The following KCNN2 variants were observed in gnomAD, a reference collection of about 807,000 sequenced individuals.
KCNN2 encodes the protein small conductance calcium-activated potassium channel protein 2.
A neutral mutation model predicts 55.5 loss-of-function variants in KCNN2; 24 were observed. The observed-to-expected ratio is 0.43, with a 90% CI of 0.31 to 0.61. KCNN2 has a LOEUF of 0.61. Ranked by LOEUF, KCNN2 falls within the 20% of genes least tolerant of loss-of-function variation. The pLI, the probability that KCNN2 is intolerant of heterozygous loss-of-function variation, is 0.08. For missense variants in KCNN2, 754 were observed against 853.6 expected (o/e 0.88, Z 1.45); for synonymous variants, 431 against 336.1 (o/e 1.28, Z -3.09).
chr5:114,267,755 AG>A (rs1383750393), intron 2 of KCNN2, among the ~76,000 whole-genome samples: 1 of 152,214 alleles, frequency 6.6e-6, no homozygotes, highest in Non-Finnish European at 1.5e-5. Flanking sequence ...TCCCTGGAAG[AG>A]GAAAAATAAT....
chr5:114,193,066 A>G (rs560771440), intron 1 of KCNN2, among the ~76,000 whole-genome samples: 1 of 152,322 alleles, frequency 6.6e-6, no homozygotes, highest in African/African-American at 2.4e-5. Context: ...TATTTGGGAC[A>G]TACTTATACT....
chr5:114,134,456 A>ATTAT (rs1561489462), intron 1 of KCNN2, among the ~76,000 whole-genome samples: 3 of 101,432 alleles, frequency 3.0e-5, no homozygotes, highest in African/African-American at 8.0e-5. Flanking sequence ...CAATCCAACC[A>ATTAT]TGATTTATTT....
At position 114,451,177 on chromosome 5, in the gene KCNN2, A is replaced by G. The variant is rs981415011; in HGVS notation, c.1638-11872A>G. 5.9e-5 allele frequency among the ~76,000 whole-genome samples: 9 copies of G among 152,162 alleles called. 1 individual carries two copies. Among genetic ancestry groups the G allele is most frequent in the Admixed American group, 2.6e-4 (4 of 15,276 alleles). The stretch of plus-strand genomic sequence containing the variant: ...GTGAATAATAGAGTTAGAAAACAAA[A>G]CCTCTTTGTCCTCTCAGGGAAACAC... On this transcript the variant is annotated intron_variant, in intron 3 of 7. Coordinates refer to ENST00000673685, the MANE Select transcript of KCNN2 (RefSeq NM_021614.4).
chr5:114,219,986 A>G (rs900481839), intron 1 of KCNN2, among the ~76,000 whole-genome samples: 2 of 152,194 alleles, frequency 1.3e-5, no homozygotes, highest in East Asian at 1.9e-4. Context: ...ATATTATTCT[A>G]TATTTCTTAA....
intron 4 of KCNN2, among the ~76,000 whole-genome samples, chr5:114,467,855 T>G (rs1241218815): frequency 6.6e-6 from 1 of 152,164 alleles, no homozygotes; most frequent in Non-Finnish European, 1.5e-5. Context: ...GCCCTTCCTA[T>G]CTCTGAAGTA....
intron 2 of KCNN2, among the ~76,000 whole-genome samples, chr5:114,365,893 G>T (rs1369361739): frequency 6.7e-6 from 1 of 148,238 alleles, no homozygotes; most frequent in Admixed American, 6.7e-5. Flanking sequence ...CCTGTTCCTT[G>T]TGAAAATCAC....
intron 3 of KCNN2, among the ~76,000 whole-genome samples, chr5:114,456,171 G>A (rs1468781553): frequency 5.3e-5 from 8 of 152,194 alleles, no homozygotes; most frequent in Non-Finnish European, 1.2e-4. Context: ...AAGTTTCAAA[G>A]GACACATGAA....
chr5:114,280,093 G>A (rs1179251197), intron 2 of KCNN2, among the ~76,000 whole-genome samples: 1 of 152,194 alleles, frequency 6.6e-6, no homozygotes, highest in East Asian at 1.9e-4. Context: ...CTGCATAAAT[G>A]TCTTCTTTTG....
chr5:114,346,552 T>G (rs1757106005), intron 2 of KCNN2, among the ~76,000 whole-genome samples: 1 of 152,094 alleles, frequency 6.6e-6, no homozygotes, highest in Non-Finnish European at 1.5e-5. Context: ...AAAACTGAAC[T>G]CTGGTATTGC....
chr5:114,465,396 T>C (rs911572234), intron 4 of KCNN2, among the ~76,000 whole-genome samples: 2 of 152,184 alleles, frequency 1.3e-5, no homozygotes, highest in African/African-American at 4.8e-5. Flanking sequence ...GTGGATCACC[T>C]GAGGTTGGGA....
chr5:114,429,655 G>C (rs1283266685), intron 3 of KCNN2, among the ~76,000 whole-genome samples: 1 of 151,932 alleles, frequency 6.6e-6, no homozygotes, highest in Non-Finnish European at 1.5e-5. Context: ...CTTTGGAGTT[G>C]TATCTAAAAA....
intron 2 of KCNN2, among the ~76,000 whole-genome samples, chr5:114,307,963 C>T (rs1224267693): frequency 6.6e-6 from 1 of 152,052 alleles, no homozygotes; most frequent in African/African-American, 2.4e-5. Context: ...ATGATCCACT[C>T]CTATACATAA....
chr5:114,472,745 A>G (rs1440401016), intron 4 of KCNN2, among the ~76,000 whole-genome samples: 1 of 152,196 alleles, frequency 6.6e-6, no homozygotes, highest in Non-Finnish European at 1.5e-5. Context: ...ATAGGTATAT[A>G]ACTGACTTGC....
chr5:114,465,346 C>G (rs1761391595), intron 4 of KCNN2, among the ~76,000 whole-genome samples: 1 of 152,146 alleles, frequency 6.6e-6, no homozygotes, highest in South Asian at 2.1e-4. Flanking sequence ...GGCACTGTGT[C>G]CCACGCCTGT....
chr5:114,106,490 A>T (rs1751484908), intron 1 of KCNN2, among the ~76,000 whole-genome samples: 1 of 151,902 alleles, frequency 6.6e-6, no homozygotes. Context: ...AACAGTATAT[A>T]AGAGTTATAG....
chr5:114,352,744 A>AT (rs1757230905), intron 2 of KCNN2, among the ~76,000 whole-genome samples: 1 of 151,954 alleles, frequency 6.6e-6, no homozygotes. Context: ...ATTTTAAAGA[A>AT]TTTGTATAAA....
At chr5:114,151,293 T>C in intron 1 of KCNN2, among the ~76,000 whole-genome samples, 1 of 152,150 alleles carries the variant, frequency 6.6e-6, no homozygotes, top group South Asian at 2.1e-4. Context: ...AAACTATTAA[T>C]AAGTTAAAAC....
chr5:114,142,344 A>C (rs1223595353), intron 1 of KCNN2, among the ~76,000 whole-genome samples: 2 of 152,118 alleles, frequency 1.3e-5, no homozygotes, highest in East Asian at 3.9e-4. Flanking sequence ...TCAGCTTTCT[A>C]CATATGGCTA....
intron 1 of KCNN2, among the ~76,000 whole-genome samples, chr5:114,216,975 T>C (rs957536429): frequency 2.0e-5 from 3 of 152,108 alleles, no homozygotes; most frequent in African/African-American, 7.2e-5. Flanking sequence ...GCAATGAACA[T>C]GTGGAATGTG....
Sources: gnomAD v4.1 joint callset for allele counts (sites outside exome capture counted in the v4.1 genomes callset) on GRCh38, gnomAD v4.1.1 for gene constraint, MANE v1.5 for transcripts, NCBI Gene and HGNC (gene_info 2026-07-23, HGNC 2026-07-21) for gene names.